The following CCNDBP1 variants were observed in gnomAD, a reference collection of about 807,000 sequenced individuals.
CCNDBP1 encodes cyclin-D1-binding protein 1.
A neutral mutation model predicts 46.2 loss-of-function variants in CCNDBP1; 45 were observed. The observed-to-expected ratio is 0.97, with a 90% CI of 0.77 to 1.25. The LOEUF is 1.25. Among genes scored for constraint, CCNDBP1 ranks in the 50% most tolerant of loss-of-function variants. CCNDBP1 has a pLI of 0.00. For synonymous variants in CCNDBP1, 154 were observed against 163.6 expected, an observed-to-expected ratio of 0.94 and a Z score of 0.45; for missense variants, 436 against 442.1, an observed-to-expected ratio of 0.99 and a Z score of 0.12.
At chr15:43,191,179 G>T (rs2142235005) in intron 7 of CCNDBP1, 137 bp downstream of exon 7, 1 of 822,386 alleles carries the variant, frequency 1.2e-6, no homozygotes, top group East Asian at 2.6e-5. Context: ...CCCACTGCTT[G>T]TTAGTGTTTG....
At chr15:43,189,101 A>AAAG (rs1555469930) in intron 3 of CCNDBP1, 98 bp from the exon 4 acceptor site, 66,887 of 163,700 alleles carry the variant, frequency 0.41, 22,514 homozygotes, top group Admixed American at 0.55. Context: ...AAAAAAAAAA[A>AAAG]AAAGAAAAAG....
Position 43,185,824 on chromosome 15 carries a change from C to T in CCNDBP1, c.114C>T (p.Gly38=), listed in dbSNP as rs1248245675. 1.2e-6 allele frequency: 2 copies of T among 1,610,504 alleles called. No homozygotes were observed. Among genetic ancestry groups the T allele is most frequent in the Admixed American group, 1.7e-5 (1 of 59,968 alleles). The part of the protein sequence containing the change: ...LRLLLPRVRV[G]EAQETTEEFN... ...CCCACACGCCACACCCACAAGTCGG[C>T]GAAGCCCAGGAGACCACCGAGGAGT... Residue 38 remains glycine, a synonymous_variant, in exon 2 of 11, where the codon GGC becomes GGT. Coordinates refer to ENST00000300213, the MANE Select transcript of CCNDBP1 (RefSeq NM_012142.5).
chr15:43,190,929 T>C, intron 6 of CCNDBP1, 37 bp from the exon 7 acceptor site: 6 of 1,529,816 alleles, frequency 3.9e-6, no homozygotes, highest in Non-Finnish European at 5.4e-6. Context: ...GTTGGATTTC[T>C]CCTCTAATTC....
Position 43,185,431 on chromosome 15 carries a change from G to A in CCNDBP1, c.-68G>A. 4 of 1,219,724 alleles carry A rather than the reference G, an allele frequency of 3.3e-6. No individual in the cohort carries two copies. Among genetic ancestry groups the A allele is most frequent in the Non-Finnish European group, 4.7e-6 (4 of 857,098 alleles). 75.6% of individuals were successfully genotyped at this position (1,219,724 alleles called of 1,614,324 possible). ...GACGCTGTGGCCCGGAAGTGGAGCGGCTGTCGCAGTGCGGCTCCGGCAGTG... is the reference window on the plus strand; with the variant it reads ...GACGCTGTGGCCCGGAAGTGGAGCGACTGTCGCAGTGCGGCTCCGGCAGTG... On this transcript the variant is annotated 5_prime_UTR_variant, in exon 1 of 11. Coordinates refer to ENST00000300213, the MANE Select transcript of CCNDBP1 (RefSeq NM_012142.5).
intron 7 of CCNDBP1, 44 bp downstream of exon 7, chr15:43,191,086 G>C (rs747487455): frequency 7.1e-7 from 1 of 1,409,362 alleles, no homozygotes; most frequent in South Asian, 1.2e-5. Context: ...TTGACTAGTA[G>C]ATGAGAATTA....
At chr15:43,193,872 G>T (rs533711573) in intron 9 of CCNDBP1, among the ~76,000 whole-genome samples, 1 of 152,026 alleles carries the variant, frequency 6.6e-6, no homozygotes, top group East Asian at 1.9e-4. Context: ...TTAAAAAATT[G>T]ACTTCCTAAG....
chr15:43,192,755 G>A lies in CCNDBP1; in HGVS notation c.873G>A (p.Leu291=), dbSNP rs765718034. 3.1e-6 allele frequency: 5 copies of A among 1,613,824 alleles called. No individual in the cohort carries two copies. The African/African-American group carries it at 5.3e-5, about 17-fold the overall frequency. Residue 291 remains leucine (L), a synonymous_variant, in exon 9 of 11, where the codon TTG becomes TTA. Transcript: ENST00000300213. ...SDEISPSVDD[L]ALSIYPPMCH... The stretch of plus-strand genomic sequence containing the variant: ...TTTCTGCTCTTAGTGTGGATGATTT[G>A]GCTCTGAGCATATATCCACCTATGT...
chr15:43,186,757 C>T (rs1162688135), intron 3 of CCNDBP1, among the ~76,000 whole-genome samples: 1 of 152,194 alleles, frequency 6.6e-6, no homozygotes, highest in East Asian at 1.9e-4. Context: ...CACCCACTTT[C>T]TCATTTTTGT....
intron 9 of CCNDBP1, 133 bp downstream of exon 9, chr15:43,192,936 G>T: frequency 1.3e-6 from 1 of 787,168 alleles, no homozygotes; most frequent in African/African-American, 1.7e-5. Flanking sequence ...TAATGTCACA[G>T]TTCTTGCATG....
intron 4 of CCNDBP1, 135 bp downstream of exon 4, chr15:43,189,415 T>G: frequency 1.8e-6 from 1 of 558,940 alleles, no homozygotes. Flanking sequence ...AATTTTGTAA[T>G]GTAAGTGACT....
chr15:43,186,203 CTT>C lies in CCNDBP1; in HGVS notation c.220_221del (p.Phe74LeufsTer16), dbSNP rs2041830485. 1 of 1,614,038 alleles carries C rather than the reference CTT, an allele frequency of 6.2e-7. No homozygotes were observed. ...GGGAAGCCACGACTCTGACCATAGT[CTT>C]CTCTCAGCTTCCACTGCCGTCTCCA... Reference protein sequence around the residue: ...SREATTLTIVFSQLPLPSPQE... With the variant: ...SREATTLTIVXSQLPLPSPQE... On this transcript the variant is annotated frameshift_variant, in exon 3 of 11. Transcript: ENST00000300213. LOFTEE classifies it high-confidence loss of function.
At chr15:43,192,142 A>G (rs1567264888) in intron 8 of CCNDBP1, among the ~76,000 whole-genome samples, 1 of 152,222 alleles carries the variant, frequency 6.6e-6, no homozygotes, top group African/African-American at 2.4e-5. Flanking sequence ...TCATCTCTTT[A>G]GTCTCTTGAA....
chr15:43,194,097 T>G (rs1567266024), intron 9 of CCNDBP1: 1 of 365,782 alleles, frequency 2.7e-6, no homozygotes, highest in Non-Finnish European at 5.1e-6. Flanking sequence ...TAGTCATTTC[T>G]GCTTTATATT....
chr15:43,185,497 A>C lies in CCNDBP1; in HGVS notation c.-2A>C, dbSNP rs369731621. The C allele has an allele frequency of 1.9e-6, 3 of 1,586,336 alleles. No homozygotes were observed. The highest frequency in any genetic ancestry group is 2.7e-5 in the African/African-American group (2 of 74,490). ...GTTTGCGGCCTTCGGCAAGCGACTG[A>C]GATGGCGAGCGCAACTGCACCTGCA... On this transcript the variant is annotated 5_prime_UTR_variant, in exon 1 of 11. Transcript: ENST00000300213.
Position 43,185,588 on chromosome 15 carries a change from G to C in CCNDBP1, c.90G>C (p.Leu30Phe), listed in dbSNP as rs2041797026. The C allele has an allele frequency of 1.3e-6, 2 of 1,573,582 alleles. No homozygotes were observed. The highest frequency in any genetic ancestry group is 2.3e-5 in the South Asian group (2 of 86,462). Residue 30 changes from leucine to phenylalanine, a missense_variant, in exon 1 of 11, where the codon TTG (leucine) becomes TTC (phenylalanine). Coordinates refer to ENST00000300213, the MANE Select transcript of CCNDBP1 (RefSeq NM_012142.5). ...QLRHLAEELR[L>F]LLPRVRVGEA... The stretch of plus-strand genomic sequence containing the variant: ...GGCACTTGGCGGAGGAGCTGCGGTT[G>C]CTCCTGCCTCGAGTGCGGGGTGAGC...
chr15:43,194,368 T>A, intron 9 of CCNDBP1, 47 bp from the exon 10 acceptor site: 1 of 1,495,598 alleles, frequency 6.7e-7, no homozygotes, highest in Admixed American at 2.4e-5. Flanking sequence ...GAACTCACCT[T>A]TTTATGGTAG....
rs751027223 is a variant in CCNDBP1, at chr15:43,191,418, C to T, written c.603C>T (p.Tyr201=). The T allele has an allele frequency of 6.8e-7, 1 of 1,463,110 alleles. No individual in the cohort carries two copies. The highest frequency in any genetic ancestry group is 9.2e-7 in the Non-Finnish European group (1 of 1,091,542). 90.6% of individuals were successfully genotyped at this position (1,463,110 alleles called of 1,614,324 possible). The change falls in exon 8 of 11, where the codon TAC becomes TAT. Residue 201 remains tyrosine (Y), a synonymous_variant. Transcript: ENST00000300213. ...AGGCTGTGGAAGAATGTGACCCTTACTCTGGCCTCTTGAATGATACTGAGG... is the reference window on the plus strand; with the variant it reads ...AGGCTGTGGAAGAATGTGACCCTTATTCTGGCCTCTTGAATGATACTGAGG... ...MEQAVEECDP[Y]SGLLNDTEEN...
In CCNDBP1 at chr15:43,195,914, T is replaced by TAA. The variant is rs2042032778; in HGVS notation, c.*1073_*1074insAA. 6.6e-6 allele frequency: 1 copy of TAA among 152,198 alleles called. No individual in the cohort carries two copies. Among genetic ancestry groups the TAA allele is most frequent in the Non-Finnish European group, 1.5e-5 (1 of 68,040 alleles). The allele number at this position is 152,198 out of a possible 1,614,324, so 9.4% of individuals were successfully genotyped here. On this transcript the variant is annotated 3_prime_UTR_variant, in exon 11 of 11. Transcript: ENST00000300213. ...TTCCTTAAGCCAAATGAGTTTTAGC[T>TAA]TACTGTTTTGAAGTGCCATTTTGTA...
In CCNDBP1 at chr15:43,197,093, T is replaced by A. The variant is rs987954320; in HGVS notation, c.*2252T>A. On this transcript the variant is annotated 3_prime_UTR_variant, in exon 11 of 11. Transcript: ENST00000300213. Reference sequence around the variant, plus strand: ...CGTTGCCTCCCTTCATCTTCCTGCATAAGTGGAAGCAGCCTGAAGCCCTCA... The same window carrying A: ...CGTTGCCTCCCTTCATCTTCCTGCAAAAGTGGAAGCAGCCTGAAGCCCTCA... 1.4e-5 allele frequency: 9 copies of A among 631,226 alleles called. No individual in the cohort carries two copies. Among genetic ancestry groups the A allele is most frequent in the Non-Finnish European group, 2.4e-5 (9 of 368,344 alleles). The allele number at this position is 631,226 out of a possible 1,614,324, so 39.1% of individuals were successfully genotyped here.
Sources: gnomAD v4.1 joint callset for allele counts (sites outside exome capture counted in the v4.1 genomes callset) on GRCh38, gnomAD v4.1.1 for gene constraint, MANE v1.5 for transcripts, NCBI Gene and HGNC (gene_info 2026-07-23, HGNC 2026-07-21) for gene names.